The following MYOM3 variants were observed in gnomAD, a reference collection of about 807,000 sequenced individuals.
The protein encoded by MYOM3 is myomesin 3.
In MYOM3, 155 loss-of-function variants were observed where a neutral mutation model predicts 191.7. The observed-to-expected ratio is 0.81, with a 90% CI of 0.71 to 0.92. MYOM3 has a LOEUF of 0.92. MYOM3 is among the 40% of genes least tolerant of loss of function. The pLI, the probability that MYOM3 is intolerant of heterozygous loss-of-function variation, is 0.00. For missense variants in MYOM3, 1,889 were observed against 1,890.6 expected (o/e 1.00, Z 0.02); for synonymous variants, 757 against 762.9 (o/e 0.99, Z 0.13).
chr1:24,092,809 C>G lies in MYOM3; in HGVS notation c.1090+138G>C. ...CCACGGGGAGTCTTGGAGACCCCAA[C>G]CCAAAGCCCTGATTTTATGGTAGAG... is the stretch of plus-strand genomic sequence containing the variant. On this transcript the variant is annotated intron_variant, in intron 10 of 36. Coordinates refer to ENST00000374434, the MANE Select transcript of MYOM3 (RefSeq NM_152372.4). The G allele has an allele frequency of 8.8e-6, 8 of 907,246 alleles. 1 individual carries two copies. The South Asian group carries it at 1.4e-4, about 16-fold the overall frequency. The allele number at this position is 907,246 out of a possible 1,614,324, so 56.2% of individuals were successfully genotyped here.
At chr1:24,060,535 T>G (rs1278711237) in intron 35 of MYOM3, among the ~76,000 whole-genome samples, 1 of 152,108 alleles carries the variant, frequency 6.6e-6, no homozygotes, top group Non-Finnish European at 1.5e-5. Flanking sequence ...GCTGGGCCAG[T>G]GAGAGCAGAC....
chr1:24,080,868 G>A (rs1480758784), intron 19 of MYOM3, among the ~76,000 whole-genome samples: 4 of 152,172 alleles, frequency 2.6e-5, no homozygotes, highest in Admixed American at 1.3e-4. Context: ...GGGAGGTGAG[G>A]GGCTCATTTG....
rs1490368009 is a variant in MYOM3, at chr1:24,108,627, G to T, written c.10C>A (p.Pro4Thr). The T allele has an allele frequency of 2.6e-6, 4 of 1,558,594 alleles. No individual in the cohort carries two copies. Among genetic ancestry groups the T allele is most frequent in the East Asian group, 4.8e-5 (2 of 41,954 alleles). Residue 4 changes from proline (P) to threonine (T), a missense_variant, in exon 2 of 37, where the codon CCG becomes ACG. Transcript: ENST00000374434. ...TCCCCCGCACCTCCCAAGCTGTGCG[G>T]CAGAGTCATGGTTACGAGAGCAACA... Reference protein sequence around the residue: MTLPHSLGGAGDPR... With the variant: MTLTHSLGGAGDPR...
chr1:24,063,263 T>C lies in MYOM3; in HGVS notation c.3662-29A>G. 6.3e-7 allele frequency: 1 copy of C among 1,577,798 alleles called. No individual in the cohort carries two copies. On this transcript the variant is annotated intron_variant, in intron 31 of 36. Coordinates refer to ENST00000374434, the MANE Select transcript of MYOM3 (RefSeq NM_152372.4). The surrounding 1 kb of genome is among the most constrained non-coding windows in gnomAD (Gnocchi z 4.5). ...GGGAGACAGAGGAGAAGGATGAATC[T>C]TCCCTGAGGCCATTTAGGCATCAGA...
At chr1:24,102,835 A>AGTTG (rs1483473033) in intron 5 of MYOM3, among the ~76,000 whole-genome samples, 10 of 152,178 alleles carry the variant, frequency 6.6e-5, no homozygotes, top group Non-Finnish European at 1.5e-4. Context: ...ACAGAGTGAG[A>AGTTG]CCTTATTTCT....
At chr1:24,068,941 C>T (rs1643489579) in intron 25 of MYOM3, among the ~76,000 whole-genome samples, 1 of 152,120 alleles carries the variant, frequency 6.6e-6, no homozygotes, top group African/African-American at 2.4e-5. Context: ...CCAGGCTGGT[C>T]TCGAACTCCT....
intron 9 of MYOM3, among the ~76,000 whole-genome samples, chr1:24,093,332 G>A (rs569964570): frequency 1.7e-4 from 26 of 152,268 alleles, no homozygotes; most frequent in Non-Finnish European, 3.2e-4. Flanking sequence ...GGGCCAGTGC[G>A]GGGCTGGGGC....
At position 24,065,814 on chromosome 1, in the gene MYOM3, C is replaced by T; in HGVS notation, c.3534+77G>A. 8.7e-7 allele frequency: 1 copy of T among 1,143,926 alleles called. No individual in the cohort carries two copies. Among genetic ancestry groups the T allele is most frequent in the Non-Finnish European group, 1.3e-6 (1 of 750,516 alleles). 70.9% of individuals were successfully genotyped at this position (1,143,926 alleles called of 1,614,324 possible). A position where few individuals can be genotyped will look rare whatever the true frequency, so the allele number is the denominator to read the frequency against. On this transcript the variant is annotated intron_variant, in intron 29 of 36. Coordinates refer to ENST00000374434, the MANE Select transcript of MYOM3 (RefSeq NM_152372.4). ...ACCTAGCCTCGGCCCTGCCCTGACTCCCAGCCCAGAGCTCTTGGCCCTCCC... is the reference window on the plus strand; with the variant it reads ...ACCTAGCCTCGGCCCTGCCCTGACTTCCAGCCCAGAGCTCTTGGCCCTCCC...
In MYOM3 at chr1:24,075,380, A is replaced by C. The variant is rs773627957; in HGVS notation, c.2797T>G (p.Ser933Ala). ...TCCAGTGGGCCCTTGTAGTCTTTGG[A>C]CCACTGAAACTCTGAGGAGTCGGGG... ...EAPDSSEFQW[S>A]KDYKGPLDPQ... The change falls in exon 22 of 37, where the codon TCC (serine) becomes GCC (alanine). Residue 933 changes from serine (S) to alanine (A), a missense_variant. Ser to Ala is a moderately conservative substitution (Grantham distance 99, BLOSUM62 1). Coordinates refer to ENST00000374434, the MANE Select transcript of MYOM3 (RefSeq NM_152372.4). The C allele has an allele frequency of 3.1e-6, 5 of 1,612,602 alleles. No individual in the cohort carries two copies. Among genetic ancestry groups the C allele is most frequent in the Admixed American group, 1.7e-5 (1 of 59,878 alleles).
At position 24,068,208 on chromosome 1, in the gene MYOM3, C is replaced by T; in HGVS notation, c.3295+15G>A. 6.2e-7 allele frequency: 1 copy of T among 1,612,998 alleles called. No individual in the cohort carries two copies. The highest frequency in any genetic ancestry group is 2.2e-5 in the East Asian group (1 of 44,872). On this transcript the variant is annotated intron_variant, in intron 26 of 36. Coordinates refer to ENST00000374434, the MANE Select transcript of MYOM3 (RefSeq NM_152372.4). ...CGGGGCAGGGCTGGGCGGGGCGAGG[C>T]TGGGCATGGCTGACCGTCATCCACC...
In MYOM3 at chr1:24,108,561, G is replaced by T; in HGVS notation, c.76C>A (p.His26Asn). Residue 26 changes from histidine to asparagine, a missense_variant, in exon 2 of 37, where the codon CAC becomes AAC. Coordinates refer to ENST00000374434, the MANE Select transcript of MYOM3 (RefSeq NM_152372.4). ...PQAMEVHRLE[H>N]RQEEEQKEER... The stretch of plus-strand genomic sequence containing the variant: ...TCCTTCTGCTCCTCCTCCTGCCGGT[G>T]CTCCAGCCTGTGAACCTCCATGGCC... 1 of 1,578,110 alleles carries T rather than the reference G, an allele frequency of 6.3e-7. No individual in the cohort carries two copies. Among genetic ancestry groups the T allele is most frequent in the Non-Finnish European group, 8.6e-7 (1 of 1,162,298 alleles).
intron 11 of MYOM3, 48 bp from the exon 12 acceptor site, chr1:24,091,044 C>T (rs549851974): frequency 1.1e-5 from 17 of 1,591,440 alleles, no homozygotes; most frequent in South Asian, 4.5e-5. Flanking sequence ...CAATGCACAC[C>T]TTCCCAATGT....
chr1:24,108,144 A>T lies in MYOM3; in HGVS notation c.162-71T>A, dbSNP rs183483439. The T allele has an allele frequency of 3.2e-4, 459 of 1,423,846 alleles. 1 individual carries two copies. In the African/African-American group the frequency reaches 5.5e-3, roughly 17 times the overall value. The allele number at this position is 1,423,846 out of a possible 1,614,324, so 88.2% of individuals were successfully genotyped here. ...GGGGGCTCCCTGAGATTAGGGCTGC[A>T]TCTGCCCACCTCAGCCTCAGGGCAC... On this transcript the variant is annotated intron_variant, in intron 2 of 36. Coordinates refer to ENST00000374434, the MANE Select transcript of MYOM3 (RefSeq NM_152372.4).
chr1:24,092,324 CG>C lies in MYOM3; in HGVS notation c.1091-10del. 1.5e-6 allele frequency: 2 copies of C among 1,348,240 alleles called. No individual in the cohort carries two copies. The highest frequency in any genetic ancestry group is 1.5e-5 in the African/African-American group (1 of 66,704). The allele number at this position is 1,348,240 out of a possible 1,614,324, so 83.5% of individuals were successfully genotyped here. On this transcript the variant is annotated splice_polypyrimidine_tract_variant and intron_variant, in intron 10 of 36. Transcript: ENST00000374434. ...GTTCTCGGCCTCGGCATCTGAAACC[CG>C]GGGGTGAGAGGGAGGCCCTTCTAGT...
At chr1:24,061,204 C>T in intron 34 of MYOM3, 69 bp downstream of exon 34, 1 of 1,608,912 alleles carries the variant, frequency 6.2e-7, no homozygotes, top group South Asian at 1.1e-5. Flanking sequence ...GGAAGGAGTC[C>T]TGAGCCTAGT....
At chr1:24,075,695 C>T (rs944663175) in intron 21 of MYOM3, among the ~76,000 whole-genome samples, 11 of 152,154 alleles carry the variant, frequency 7.2e-5, no homozygotes, top group African/African-American at 2.7e-4. Flanking sequence ...AGCATCCTAT[C>T]ACCCTGTTTT....
chr1:24,058,690 C>T, intron 36 of MYOM3, among the ~76,000 whole-genome samples: 1 of 152,146 alleles, frequency 6.6e-6, no homozygotes, highest in Non-Finnish European at 1.5e-5. Context: ...AGGTAGAAGT[C>T]TAGGATGCCC....
At chr1:24,085,720 A>G (rs548948091) in intron 15 of MYOM3, among the ~76,000 whole-genome samples, 1 of 152,202 alleles carries the variant, frequency 6.6e-6, no homozygotes, top group Non-Finnish European at 1.5e-5. Context: ...GACTGCCCAC[A>G]TCTGATGACT....
chr1:24,066,456 T>C (rs1643435547), intron 28 of MYOM3: 1 of 561,538 alleles, frequency 1.8e-6, no homozygotes, highest in South Asian at 2.1e-5. Context: ...ATGAATATGC[T>C]TCTGGGAGAG....
Sources: allele counts gnomAD v4.1 joint callset (sites outside exome capture counted in the v4.1 genomes callset), GRCh38; gene constraint gnomAD v4.1.1; non-coding constraint Gnocchi (gnomAD v3.1); transcripts MANE v1.5; gene names NCBI Gene and HGNC (gene_info 2026-07-23, HGNC 2026-07-21).